The following LSM12 variants were observed in gnomAD, a reference collection of about 807,000 sequenced individuals.
The protein encoded by LSM12 is protein LSM12.
For synonymous variants in LSM12, 74 were observed against 87.3 expected, an observed-to-expected ratio of 0.85 and a Z score of 0.85; for missense variants, 108 against 238.9, an observed-to-expected ratio of 0.45 and a Z score of 3.61.
chr17:44,043,959 G>A (rs1020813041), intron 2 of LSM12, among the ~76,000 whole-genome samples: 1 of 152,080 alleles, frequency 6.6e-6, no homozygotes, highest in Non-Finnish European at 1.5e-5. Flanking sequence ...CTTTAAAAAC[G>A]TTTATTCCTG....
chr17:44,058,877 G>A (rs545211215), intron 2 of LSM12, among the ~76,000 whole-genome samples: 1 of 152,140 alleles, frequency 6.6e-6, no homozygotes, highest in South Asian at 2.1e-4. Context: ...GTTTGTGCCG[G>A]TAGTCCCAGC....
chr17:44,046,347 G>C (rs1191468538), intron 2 of LSM12, among the ~76,000 whole-genome samples: 7 of 151,998 alleles, frequency 4.6e-5, no homozygotes. Context: ...GAATTTCTGG[G>C]TCATATGGTA....
chr17:44,060,274 T>C (rs1362725218), intron 2 of LSM12, among the ~76,000 whole-genome samples: 1 of 152,168 alleles, frequency 6.6e-6, no homozygotes, highest in African/African-American at 2.4e-5. Context: ...GTACATTAGT[T>C]CCCTTCCATA....
chr17:44,040,357 T>C (rs2049472007), intron 2 of LSM12, 101 bp from the exon 3 acceptor site: 3 of 804,226 alleles, frequency 3.7e-6, no homozygotes, highest in Middle Eastern at 2.3e-4. Context: ...AAAGACTTGT[T>C]TGGACAGATT....
chr17:44,042,556 C>A (rs1483137288), intron 2 of LSM12, among the ~76,000 whole-genome samples: 3 of 116,002 alleles, frequency 2.6e-5, no homozygotes, highest in African/African-American at 1.0e-4. Flanking sequence ...CCCGCCACCA[C>A]CCCCAGCTAA....
At chr17:44,040,350 G>T in intron 2 of LSM12, 94 bp from the exon 3 acceptor site, 1 of 832,516 alleles carries the variant, frequency 1.2e-6, no homozygotes, top group Non-Finnish European at 1.9e-6. Flanking sequence ...GGCCAGGAAA[G>T]ACTTGTTTGG....
At chr17:44,036,408 G>C in intron 4 of LSM12, 108 bp from the exon 5 acceptor site, 1 of 1,425,418 alleles carries the variant, frequency 7.0e-7, no homozygotes, top group Admixed American at 1.9e-5. Context: ...CCAGCCCATT[G>C]GTGTCCAGGC....
intron 2 of LSM12, among the ~76,000 whole-genome samples, chr17:44,047,953 G>A (rs2049591403): frequency 6.7e-6 from 1 of 150,204 alleles, no homozygotes; most frequent in African/African-American, 2.4e-5. Context: ...GGAGGCTGAG[G>A]AAGGCCGATC....
chr17:44,043,806 T>C (rs1389325211), intron 2 of LSM12, among the ~76,000 whole-genome samples: 3 of 135,628 alleles, frequency 2.2e-5, no homozygotes, highest in Non-Finnish European at 4.8e-5. Flanking sequence ...CTGCCTCTAT[T>C]AAAAAAAAAA....
At chr17:44,046,602 G>A (rs1440624718) in intron 2 of LSM12, among the ~76,000 whole-genome samples, 1 of 149,920 alleles carries the variant, frequency 6.7e-6, no homozygotes, top group Non-Finnish European at 1.5e-5. Context: ...AGCTACTCGG[G>A]AGGCTGAGGC....
intron 2 of LSM12, among the ~76,000 whole-genome samples, chr17:44,059,980 T>C (rs1237895975): frequency 2.0e-5 from 3 of 151,872 alleles, no homozygotes; most frequent in East Asian, 1.9e-4. Context: ...CTGGCCAACA[T>C]GGTGAAACCC....
At position 44,058,817 on chromosome 17, in the gene LSM12, A is replaced by C. The variant is rs148747968; in HGVS notation, c.258+4984T>G. 4.3e-3 allele frequency among the ~76,000 whole-genome samples: 659 copies of C among 152,014 alleles called. 6 individuals are homozygous for C. The highest frequency in any genetic ancestry group is 0.015 in the African/African-American group (622 of 41,456). On this transcript the variant is annotated intron_variant, in intron 2 of 4. Transcript: ENST00000293406. ...ACCACCGCACTCCAGCCTGGGCAACAGGGCAAGACTCCATCTCAAAAAAGA... is the reference window on the plus strand; with the variant it reads ...ACCACCGCACTCCAGCCTGGGCAACCGGGCAAGACTCCATCTCAAAAAAGA...
At chr17:44,045,454 T>C (rs946881445) in intron 2 of LSM12, among the ~76,000 whole-genome samples, 2 of 152,258 alleles carry the variant, frequency 1.3e-5, no homozygotes, top group African/African-American at 2.4e-5. Context: ...TTGTTTCATG[T>C]ACCAATAGTT....
intron 2 of LSM12, among the ~76,000 whole-genome samples, chr17:44,055,401 C>T (rs1444750478): frequency 1.3e-5 from 2 of 151,312 alleles, no homozygotes; most frequent in African/African-American, 4.9e-5. Context: ...GTGGCTCACA[C>T]CTGTAATACC....
intron 2 of LSM12, among the ~76,000 whole-genome samples, chr17:44,042,817 TGGGCCTCCCAAAGTGCTAGGATTACAGG>T (rs2049512864): frequency 6.6e-6 from 1 of 152,170 alleles, no homozygotes; most frequent in Non-Finnish European, 1.5e-5. Context: ...TCCACCCACC[TGGGCCTCCCAAAGTGCTAGGATTACAGG>T]CGTGAGCTAC....
At chr17:44,065,304 G>T (rs2049857066) in intron 1 of LSM12, among the ~76,000 whole-genome samples, 1 of 151,930 alleles carries the variant, frequency 6.6e-6, no homozygotes, top group Non-Finnish European at 1.5e-5. Context: ...AGCTGGGCGT[G>T]GTGGCGCGTG....
intron 1 of LSM12, among the ~76,000 whole-genome samples, chr17:44,066,196 C>T (rs1055840974): frequency 1.3e-5 from 2 of 150,990 alleles, no homozygotes; most frequent in African/African-American, 4.9e-5. Flanking sequence ...CCCCAAAAAG[C>T]CATCCCCGTG....
At chr17:44,046,429 C>CG (rs2049565916) in intron 2 of LSM12, among the ~76,000 whole-genome samples, 1 of 151,342 alleles carries the variant, frequency 6.6e-6, no homozygotes, top group South Asian at 2.1e-4. Context: ...ACAAAATGGC[C>CG]GGGTGCAGTG....
At chr17:44,060,713 G>C (rs1317320932) in intron 2 of LSM12, among the ~76,000 whole-genome samples, 2 of 152,154 alleles carry the variant, frequency 1.3e-5, no homozygotes, top group African/African-American at 2.4e-5. Flanking sequence ...TAATCAGCTA[G>C]TTTACAACAA....
Sources: gnomAD v4.1 joint callset for allele counts (sites outside exome capture counted in the v4.1 genomes callset) on GRCh38, gnomAD v4.1.1 for gene constraint, MANE v1.5 for transcripts, NCBI Gene and HGNC (gene_info 2026-07-23, HGNC 2026-07-21) for gene names.